The following SLC12A7 variants were observed in gnomAD, a reference collection of about 807,000 sequenced individuals.
SLC12A7 encodes the protein solute carrier family 12 member 7, also known as K-Cl cotransporter 4.
A neutral mutation model predicts 120.6 loss-of-function variants in SLC12A7; 100 were observed. The ratio of observed to expected loss-of-function variants is 0.83; its 90% CI spans 0.71 to 0.98. SLC12A7 has a LOEUF of 0.98. SLC12A7 is among the 50% of genes least tolerant of loss of function. SLC12A7 has a pLI of 0.00. For synonymous variants in SLC12A7, 760 were observed against 678.0 expected (o/e 1.12, Z -1.88); for missense variants, 1,373 against 1,548.1 (o/e 0.89, Z 1.90).
the SLC12A7 span, among the ~76,000 whole-genome samples, chr5:1,119,676 C>G: frequency 6.6e-6 from 1 of 152,260 alleles, no homozygotes; most frequent in Non-Finnish European, 1.5e-5. Flanking sequence ...TCAGCCACCC[C>G]GTGCCAGGCT....
chr5:1,067,052 C>T (rs1286473608), intron 17 of SLC12A7, among the ~76,000 whole-genome samples: 2 of 152,182 alleles, frequency 1.3e-5, no homozygotes, highest in East Asian at 3.9e-4. Flanking sequence ...GCTCCACCAG[C>T]CCTTCACACA....
intron 8 of SLC12A7, among the ~76,000 whole-genome samples, chr5:1,082,738 TCA>T (rs1291688395): frequency 4.6e-4 from 68 of 147,336 alleles, no homozygotes; most frequent in South Asian, 1.5e-3. Flanking sequence ...GCTTCCCATC[TCA>T]GGTTCTGGAA....
At chr5:1,143,431 G>A in the SLC12A7 span, among the ~76,000 whole-genome samples, 16 of 152,244 alleles carry the variant, frequency 1.1e-4, no homozygotes, top group Admixed American at 8.5e-4. Flanking sequence ...GTCCTCCCAC[G>A]GCCGCTCCTC....
the SLC12A7 span, among the ~76,000 whole-genome samples, chr5:1,144,264 C>A: frequency 6.6e-6 from 1 of 152,346 alleles, no homozygotes; most frequent in African/African-American, 2.4e-5. Flanking sequence ...GGGGCTTACG[C>A]CATGCCCAAG....
At chr5:1,112,074 G>A, upstream of SLC12A7, 1 of 1,189,426 alleles carries the variant, frequency 8.4e-7, no homozygotes, top group Non-Finnish European at 1.0e-6. Context: ...TGGAGGCAGG[G>A]GCGGGGTCCG....
intron 5 of SLC12A7, among the ~76,000 whole-genome samples, chr5:1,087,724 C>T (rs531155307): frequency 4.6e-5 from 7 of 152,358 alleles, no homozygotes; most frequent in African/African-American, 9.6e-5. Context: ...CGTTAACACG[C>T]GCAGCACACA....
chr5:1,081,018 A>T (rs1215737470), intron 9 of SLC12A7, among the ~76,000 whole-genome samples: 9 of 64,332 alleles, frequency 1.4e-4, no homozygotes, highest in Non-Finnish European at 3.8e-4. Flanking sequence ...ACAGACAGAC[A>T]GACAGAGAGA....
chr5:1,076,643 C>G, intron 13 of SLC12A7, 51 bp downstream of exon 13: 1 of 1,389,320 alleles, frequency 7.2e-7, no homozygotes, highest in Non-Finnish European at 1.0e-6. Flanking sequence ...CACTGCCCCA[C>G]GCTCCAGGCC....
chr5:1,106,769 C>T (rs1304876028), intron 1 of SLC12A7, among the ~76,000 whole-genome samples: 2 of 152,238 alleles, frequency 1.3e-5, no homozygotes, highest in East Asian at 3.9e-4. Context: ...GGCTGGGAAC[C>T]GGGTCACGCA....
chr5:1,155,436 G>GGACGGCGTCCCCACCCCCCCCC, the SLC12A7 span, among the ~76,000 whole-genome samples: 17 of 151,996 alleles, frequency 1.1e-4, no homozygotes, highest in African/African-American at 3.9e-4. Context: ...CCATCCCCGC[G>GGACGGCGTCCCCACCCCCCCCC]GCCCCTGCCC....
chr5:1,079,343 G>C (rs1399626062), intron 10 of SLC12A7, 55 bp downstream of exon 10: 2 of 1,402,122 alleles, frequency 1.4e-6, no homozygotes, highest in East Asian at 4.6e-5. Flanking sequence ...GGAGGGCATG[G>C]GGGCCTCCCC....
the SLC12A7 span, among the ~76,000 whole-genome samples, chr5:1,127,483 G>A: frequency 4.6e-5 from 7 of 152,228 alleles, no homozygotes; most frequent in African/African-American, 7.2e-5. Context: ...TCCGGAGGGC[G>A]TGCAGCCCTG....
At chr5:1,088,018 C>T (rs1020293994) in intron 5 of SLC12A7, among the ~76,000 whole-genome samples, 38 of 152,210 alleles carry the variant, frequency 2.5e-4, no homozygotes, top group African/African-American at 8.7e-4. Context: ...GCTACAGGAG[C>T]CACTGGAATC....
chr5:1,081,526 AAGAG>A, intron 9 of SLC12A7, 47 bp downstream of exon 9: 1 of 1,566,612 alleles, frequency 6.4e-7, no homozygotes, highest in East Asian at 2.3e-5. Flanking sequence ...TGCCTCAAAA[AAGAG>A]AGGGAGAGAA....
chr5:1,057,289 C>G, intron 22 of SLC12A7, 182 bp downstream of exon 22: 1 of 615,262 alleles, frequency 1.6e-6, no homozygotes, highest in Admixed American at 3.2e-5. Context: ...ACTCAGGGCC[C>G]GGCCTTGGCA....
At chr5:1,130,622 G>GCTGCCCCC in the SLC12A7 span, among the ~76,000 whole-genome samples, 1 of 151,684 alleles carries the variant, frequency 6.6e-6, no homozygotes, top group Non-Finnish European at 1.5e-5. Flanking sequence ...AGCCAGGGTG[G>GCTGCCCCC]GGGCAGCAGG....
At chr5:1,106,270 T>G (rs1302731529) in intron 1 of SLC12A7, among the ~76,000 whole-genome samples, 1 of 152,126 alleles carries the variant, frequency 6.6e-6, no homozygotes, top group African/African-American at 2.4e-5. Flanking sequence ...TTGGCCAACA[T>G]GGCAAAACCC....
the SLC12A7 span, among the ~76,000 whole-genome samples, chr5:1,120,572 A>G: frequency 2.0e-5 from 3 of 152,230 alleles, no homozygotes; most frequent in Admixed American, 1.3e-4. Flanking sequence ...ACACGCCTCC[A>G]TCACCACCCA....
chr5:1,104,430 C>G (rs908890150), intron 1 of SLC12A7, among the ~76,000 whole-genome samples: 14 of 152,234 alleles, frequency 9.2e-5, no homozygotes, highest in African/African-American at 3.4e-4. Context: ...GGGGCTACCC[C>G]ACCATGAGGA....
Sources: allele counts gnomAD v4.1 joint callset (sites outside exome capture counted in the v4.1 genomes callset), GRCh38; gene constraint gnomAD v4.1.1; transcripts MANE v1.5; gene names NCBI Gene and HGNC (gene_info 2026-07-23, HGNC 2026-07-21).